TRIM29: variants seen among roughly 807,000 people sequenced by gnomAD.
TRIM29 encodes the protein tripartite motif-containing protein 29.
A neutral mutation model predicts 57.3 loss-of-function variants in TRIM29; 52 were observed. The observed-to-expected ratio is 0.91, with a 90% CI of 0.73 to 1.14. The LOEUF is 1.14. Ranked by LOEUF, TRIM29 falls within the 50% of genes most tolerant of loss-of-function variation. The probability of loss-of-function intolerance (pLI) is 0.00; values close to 1 mark genes in which losing one functional copy is unlikely to be tolerated. For synonymous variants in TRIM29, 319 were observed against 316.9 expected (o/e 1.01, Z -0.07); for missense variants, 753 against 774.6 (o/e 0.97, Z 0.33).
At chr11:120,132,583 C>A (rs1052210251) in intron 1 of TRIM29, among the ~76,000 whole-genome samples, 1 of 152,182 alleles carries the variant, frequency 6.6e-6, no homozygotes, top group African/African-American at 2.4e-5. Flanking sequence ...GTGCCTCAAC[C>A]TGGACGTGGT....
At chr11:120,133,364 G>C (rs980901976) in intron 1 of TRIM29, among the ~76,000 whole-genome samples, 1 of 152,200 alleles carries the variant, frequency 6.6e-6, no homozygotes, top group African/African-American at 2.4e-5. Flanking sequence ...TGACGACTTT[G>C]ACCTTGTTTC....
chr11:120,128,637 T>C (rs958723251), intron 1 of TRIM29, 142 bp from the exon 2 acceptor site: 1 of 1,525,774 alleles, frequency 6.6e-7, no homozygotes, highest in Non-Finnish European at 8.8e-7. Flanking sequence ...TCAGCAAACA[T>C]TCATCAGGAC....
chr11:120,122,028 C>T (rs1468439396), intron 5 of TRIM29: 1 of 447,180 alleles, frequency 2.2e-6, no homozygotes, highest in Non-Finnish European at 4.5e-6. Flanking sequence ...GCCCAACAAC[C>T]AAGAAGCCCA....
chr11:120,112,309 A>C lies in TRIM29; in HGVS notation c.*105T>G. 1 of 1,420,104 alleles carries C rather than the reference A, an allele frequency of 7.0e-7. No individual in the cohort carries two copies. Among genetic ancestry groups the C allele is most frequent in the Non-Finnish European group, 9.8e-7 (1 of 1,021,128 alleles). The allele number at this position is 1,420,104 out of a possible 1,614,324, so 88.0% of individuals were successfully genotyped here. A position where few individuals can be genotyped will look rare whatever the true frequency, so the allele number is the denominator to read the frequency against. On this transcript the variant is annotated 3_prime_UTR_variant, in exon 9 of 9. Transcript: ENST00000341846. Reference sequence around the variant, plus strand: ...GAGGGCTGCAGAGGGCAGGTGCAGGACCAGGCTCCCTCCCACCCAGACAAG... The same window carrying C: ...GAGGGCTGCAGAGGGCAGGTGCAGGCCCAGGCTCCCTCCCACCCAGACAAG...
intron 1 of TRIM29, among the ~76,000 whole-genome samples, chr11:120,130,528 G>T (rs957339137): frequency 2.0e-5 from 3 of 152,186 alleles, no homozygotes; most frequent in African/African-American, 7.2e-5. Flanking sequence ...GGCTCCCCAG[G>T]AGCACAGGAC....
intron 8 of TRIM29, 110 bp downstream of exon 8, chr11:120,115,228 G>A: frequency 9.5e-7 from 1 of 1,053,874 alleles, no homozygotes; most frequent in Non-Finnish European, 1.4e-6. Context: ...TCCACCCCAT[G>A]GCCCAGAGAA....
At chr11:120,117,547 C>T (rs1039053503) in intron 7 of TRIM29, 6 of 154,600 alleles carry the variant, frequency 3.9e-5, no homozygotes, top group Non-Finnish European at 8.6e-5. Flanking sequence ...CAGGGTTACT[C>T]CCACCACAGC....
At chr11:120,113,536 C>T in intron 8 of TRIM29, 2 of 445,944 alleles carry the variant, frequency 4.5e-6, no homozygotes, top group East Asian at 7.0e-5. Context: ...CACACACACA[C>T]CTCAAGGGTA....
Position 120,137,535 on chromosome 11 carries a change from G to T in TRIM29, c.497C>A (p.Ser166Tyr), listed in dbSNP as rs1252597539. The change falls in exon 1 of 9, where the codon TCC becomes TAC. Residue 166 changes from serine to tyrosine, a missense_variant. Transcript: ENST00000341846. This position sits in a 1 kb window ranked among gnomAD's most constrained non-coding sequence, Gnocchi z 6.2. ...ADTGLFSRSK[S>Y]GSEEVLCDSC... ...GTCGCACAGCACCTCCTCGGAGCCG[G>T]ACTTGGACCGTGAAAAAAGGCCCGT... 6.2e-7 allele frequency: 1 copy of T among 1,607,512 alleles called. No individual in the cohort carries two copies. The highest frequency in any genetic ancestry group is 1.7e-5 in the Admixed American group (1 of 60,000).
At chr11:120,114,418 C>T (rs894994598) in intron 8 of TRIM29, among the ~76,000 whole-genome samples, 1 of 152,212 alleles carries the variant, frequency 6.6e-6, no homozygotes, top group Non-Finnish European at 1.5e-5. Context: ...ATTAAACCAA[C>T]CCCAGCCATT....
At chr11:120,121,853 G>T in intron 5 of TRIM29, 1 of 386,118 alleles carries the variant, frequency 2.6e-6, no homozygotes, top group South Asian at 1.8e-5. Flanking sequence ...GGAAGGGAGA[G>T]ACAGGAGGGA....
At chr11:120,136,383 G>A (rs1863812658) in intron 1 of TRIM29, among the ~76,000 whole-genome samples, 1 of 152,192 alleles carries the variant, frequency 6.6e-6, no homozygotes, top group Non-Finnish European at 1.5e-5. Context: ...TAAAGTGTTG[G>A]ATTTTATGGA....
chr11:120,120,500 C>T, intron 6 of TRIM29, 73 bp downstream of exon 6: 2 of 1,406,204 alleles, frequency 1.4e-6, no homozygotes, highest in Non-Finnish European at 2.0e-6. Flanking sequence ...GCCCCTGGAC[C>T]CACCTCTATG....
chr11:120,124,214 T>C (rs528456873), intron 4 of TRIM29: 7 of 152,568 alleles, frequency 4.6e-5, no homozygotes, highest in Admixed American at 1.3e-4. Flanking sequence ...GTGGCCAGCA[T>C]TGTGACCTAG....
At position 120,127,446 on chromosome 11, in the gene TRIM29, G is replaced by A. The variant is rs1307147710; in HGVS notation, c.1024C>T (p.Gln342Ter). ...LEQREQDAVD[Q>*]VKVIMDALDE... ...AGAGCATCCATGATCACCTTCACTT[G>A]GTCCACAGCATCCTGCTCCCGCTGC... The change falls in exon 3 of 9, where the codon CAA becomes TAA. Residue 342 changes from glutamine to a stop codon, truncating the protein, a stop_gained. Transcript: ENST00000341846. LOFTEE classifies it high-confidence loss of function. The A allele has an allele frequency of 6.2e-7, 1 of 1,614,168 alleles. No individual in the cohort carries two copies. The highest frequency in any genetic ancestry group is 2.2e-5 in the East Asian group (1 of 44,882).
rs140801392 is a variant in TRIM29 at position 120,137,495 on chromosome 11, G to C, written c.537C>G (p.Asn179Lys). 1.9e-4 allele frequency: 309 copies of C among 1,602,700 alleles called. No homozygotes were observed. Among genetic ancestry groups the C allele is most frequent in the Admixed American group, 3.3e-4 (20 of 60,024 alleles). ...EEVLCDSCIG[N>K]KQKAVKSCLV... Reference sequence around the variant, plus strand: ...GGCAGGACTTGACCGCCTTCTGCTTGTTGCCGATGCAGGAGTCGCACAGCA... The same window carrying C: ...GGCAGGACTTGACCGCCTTCTGCTTCTTGCCGATGCAGGAGTCGCACAGCA... Residue 179 changes from asparagine to lysine, a missense_variant, in exon 1 of 9, where the codon AAC becomes AAG. Physicochemically the swap from Asn to Lys is moderately conservative, Grantham distance 94. Transcript: ENST00000341846. This position sits in a 1 kb window ranked among gnomAD's most constrained non-coding sequence, Gnocchi z 6.2.
At chr11:120,125,564 A>AGGGT (rs1347484071) in intron 4 of TRIM29, 127 bp downstream of exon 4, 22 of 828,324 alleles carry the variant, frequency 2.7e-5, no homozygotes, top group Non-Finnish European at 3.6e-5. Context: ...GGCCTGAGGA[A>AGGGT]GGGTGGGTGG....
intron 4 of TRIM29, chr11:120,125,264 C>A (rs1306282113): frequency 2.9e-5 from 6 of 210,280 alleles, no homozygotes; most frequent in Non-Finnish European, 5.8e-5. Context: ...TCCCTCCAGG[C>A]ATGGCTGCAG....
Position 120,137,597 on chromosome 11 carries a change from G to A in TRIM29, c.435C>T (p.Pro145=), listed in dbSNP as rs1188534811. 3.7e-6 allele frequency: 6 copies of A among 1,613,232 alleles called. No individual in the cohort carries two copies. The highest frequency in any genetic ancestry group is 5.1e-6 in the Non-Finnish European group (6 of 1,179,990). Reference sequence around the variant, plus strand: ...GGTAGCTGTTCCGCCGGGTCTCCCCGGGCTCCATGATGGACACCGTGGGCT... The same window carrying A: ...GGTAGCTGTTCCGCCGGGTCTCCCCAGGCTCCATGATGGACACCGTGGGCT... ...SRKPTVSIME[P]GETRRNSYPR... Residue 145 remains proline (P), a synonymous_variant, in exon 1 of 9, where the codon CCC becomes CCT. Coordinates refer to ENST00000341846, the MANE Select transcript of TRIM29 (RefSeq NM_012101.4). This position sits in a 1 kb window ranked among gnomAD's most constrained non-coding sequence, Gnocchi z 6.2.
Sources: gnomAD v4.1 joint callset for allele counts (sites outside exome capture counted in the v4.1 genomes callset) on GRCh38, gnomAD v4.1.1 for gene constraint, Gnocchi (gnomAD v3.1) non-coding constraint, MANE v1.5 for transcripts, NCBI Gene and HGNC (gene_info 2026-07-23, HGNC 2026-07-21) for gene names.